PTPRN2: variants seen among roughly 807,000 people sequenced by gnomAD.
PTPRN2 encodes the protein protein tyrosine phosphatase receptor type N2.
In PTPRN2, 74 loss-of-function variants were observed where a neutral mutation model predicts 118.8. The observed-to-expected ratio is 0.62, with a 90% CI of 0.52 to 0.76. PTPRN2 has a LOEUF of 0.76. PTPRN2 is among the 30% of genes least tolerant of loss of function. PTPRN2 has a pLI of 0.00. For missense variants in PTPRN2, 1,481 were observed against 1,394.4 expected (o/e 1.06, Z -0.99); for synonymous variants, 641 against 608.0 (o/e 1.05, Z -0.80).
In PTPRN2 at chr7:158,499,472, G is replaced by A. The variant is rs149554043; in HGVS notation, c.113-9687C>T. Among the ~76,000 whole-genome samples the A allele has an allele frequency of 4.7e-3, 723 of 152,218 alleles. 5 individuals carry two copies. The highest frequency in any genetic ancestry group is 8.1e-3 in the Non-Finnish European group (553 of 68,018). On this transcript the variant is annotated intron_variant, in intron 1 of 22. Coordinates refer to ENST00000389418, the MANE Select transcript of PTPRN2 (RefSeq NM_002847.5). ...TCTGGATCCAAATTCTTCATCACCCGGATAACAAATGATTGGCCTTATACA... is the reference window on the plus strand; with the variant it reads ...TCTGGATCCAAATTCTTCATCACCCAGATAACAAATGATTGGCCTTATACA...
chr7:157,981,340 T>C (rs1803129019), intron 11 of PTPRN2, among the ~76,000 whole-genome samples: 1 of 148,876 alleles, frequency 6.7e-6, no homozygotes, highest in Admixed American at 6.6e-5. Context: ...ACTCCTGCTA[T>C]TCCAGGACAG....
chr7:157,698,736 T>C (rs1021481823), intron 12 of PTPRN2, among the ~76,000 whole-genome samples: 17 of 152,352 alleles, frequency 1.1e-4, no homozygotes, highest in African/African-American at 3.8e-4. Context: ...AGAGGATCTA[T>C]TACTTTTAAT....
At chr7:157,552,672 T>G (rs901092885) in intron 21 of PTPRN2, among the ~76,000 whole-genome samples, 2 of 152,236 alleles carry the variant, frequency 1.3e-5, no homozygotes, top group African/African-American at 4.8e-5. Flanking sequence ...TCTATTGGCT[T>G]TTAAGAAATT....
intron 2 of PTPRN2, among the ~76,000 whole-genome samples, chr7:158,440,452 A>AGTG: frequency 1.3e-5 from 2 of 148,534 alleles, no homozygotes; most frequent in African/African-American, 5.0e-5. Flanking sequence ...TGATGGTGGT[A>AGTG]ATGGTAGTAG....
intron 2 of PTPRN2, among the ~76,000 whole-genome samples, chr7:158,480,356 C>T (rs1032816810): frequency 2.0e-5 from 3 of 152,186 alleles, no homozygotes; most frequent in Admixed American, 6.5e-5. Flanking sequence ...CTGATCAATG[C>T]TGTGTGTGTT....
At chr7:158,370,580 G>A (rs1003853020) in intron 2 of PTPRN2, among the ~76,000 whole-genome samples, 6 of 152,044 alleles carry the variant, frequency 3.9e-5, no homozygotes, top group Non-Finnish European at 7.4e-5. Context: ...GTGAAACCCC[G>A]TCTCTACTAA....
chr7:157,646,975 T>TCCAGCGTGCACTGAACTCGGTGGG (rs1805137647), intron 14 of PTPRN2, among the ~76,000 whole-genome samples: 1 of 146,714 alleles, frequency 6.8e-6, no homozygotes, highest in Admixed American at 6.8e-5. Context: ...GTTGGACCCA[T>TCCAGCGTGCACTGAACTCGGTGGG]TCACTGTGCA....
intron 3 of PTPRN2, among the ~76,000 whole-genome samples, chr7:158,209,783 C>A (rs1314736699): frequency 6.6e-6 from 1 of 152,088 alleles, no homozygotes; most frequent in African/African-American, 2.4e-5. Flanking sequence ...CAAGAATAGC[C>A]CATACATTAT....
intron 12 of PTPRN2, among the ~76,000 whole-genome samples, chr7:157,686,391 CTT>C (rs953063195): frequency 6.6e-6 from 1 of 152,190 alleles, no homozygotes; most frequent in African/African-American, 2.4e-5. Context: ...GTTCCAATAA[CTT>C]TACAATGACT....
intron 6 of PTPRN2, among the ~76,000 whole-genome samples, chr7:158,166,691 G>A (rs1196289894): frequency 4.0e-5 from 6 of 151,834 alleles, no homozygotes; most frequent in African/African-American, 1.2e-4. Context: ...ATCACCTCCC[G>A]CCTCTCACTG....
chr7:158,147,637 A>ACTG (rs1820275886), intron 6 of PTPRN2, among the ~76,000 whole-genome samples: 1 of 100,360 alleles, frequency 1.0e-5, no homozygotes, highest in Admixed American at 1.3e-4. Flanking sequence ...TTTCCCCCTC[A>ACTG]ATGACACCCC....
intron 11 of PTPRN2, among the ~76,000 whole-genome samples, chr7:158,065,317 G>A (rs1005603772): frequency 6.6e-6 from 1 of 152,188 alleles, no homozygotes; most frequent in Admixed American, 6.5e-5. Flanking sequence ...TTCTTACCTC[G>A]CACCCTTCAT....
chr7:158,165,002 C>T (rs931046424), intron 6 of PTPRN2, among the ~76,000 whole-genome samples: 4 of 49,782 alleles, frequency 8.0e-5, no homozygotes, highest in Admixed American at 3.0e-4. Context: ...CCAGGACCTA[C>T]GAGAGTGCAG....
In PTPRN2 at chr7:158,556,844, G is replaced by A. The variant is rs182930255; in HGVS notation, c.112+30714C>T. On this transcript the variant is annotated intron_variant, in intron 1 of 22. Transcript: ENST00000389418. ...CCCACGCAGGTCAGGCAGCTCCCGC[G>A]CAGGTCAGACAGCTCCCGGGCAGGT... 4.9e-3 allele frequency among the ~76,000 whole-genome samples: 712 copies of A among 146,204 alleles called. 22 individuals carry two copies. Among genetic ancestry groups the A allele is most frequent in the East Asian group, 0.044 (208 of 4,744 alleles).
In PTPRN2 at chr7:158,529,911, A is replaced by G. The variant is rs1464222236; in HGVS notation, c.113-40126T>C. Among the ~76,000 whole-genome samples, 2 of 152,006 alleles carry G rather than the reference A, an allele frequency of 1.3e-5. No homozygotes were observed. The highest frequency in any genetic ancestry group is 2.9e-5 in the Non-Finnish European group (2 of 67,970). On this transcript the variant is annotated intron_variant, in intron 1 of 22. Transcript: ENST00000389418. This position sits in a 1 kb window ranked among gnomAD's most constrained non-coding sequence, Gnocchi z 4.7. ...CACACACGTGCCACACACAGCACAC[A>G]TATGCACGCTACCACACACATGCAC...
At chr7:157,803,803 G>A (rs953708273) in intron 12 of PTPRN2, among the ~76,000 whole-genome samples, 12 of 152,170 alleles carry the variant, frequency 7.9e-5, no homozygotes, top group Non-Finnish European at 1.5e-4. Context: ...GTAGTGTATT[G>A]TTTTAATAAC....
chr7:157,803,596 G>A (rs1433567729), intron 12 of PTPRN2, among the ~76,000 whole-genome samples: 1 of 152,178 alleles, frequency 6.6e-6, no homozygotes, highest in African/African-American at 2.4e-5. Flanking sequence ...AGCCCATGTT[G>A]AGTGGGTTTT....
At position 157,576,732 on chromosome 7, in the gene PTPRN2, C is replaced by T. The variant is rs748297286; in HGVS notation, c.2664G>A (p.Arg888=). ...TCTGCAGGTTCTTCAGATAGAAGCT[C>T]CTCACCAGGAAGTCCTCACACCAGA... ...EHIWCEDFLV[R]SFYLKNLQTN... The change falls in exon 19 of 23, where the codon AGG becomes AGA. Residue 888 remains arginine, a synonymous_variant. Transcript: ENST00000389418. 17 of 1,609,292 alleles carry T rather than the reference C, an allele frequency of 1.1e-5. No individual in the cohort carries two copies. The highest frequency in any genetic ancestry group is 1.4e-5 in the Non-Finnish European group (17 of 1,177,696).
intron 2 of PTPRN2, among the ~76,000 whole-genome samples, chr7:158,389,603 C>T (rs1433451400): frequency 6.6e-6 from 1 of 152,210 alleles, no homozygotes; most frequent in Non-Finnish European, 1.5e-5. Flanking sequence ...AAGATCAATA[C>T]ACAAGAAAGG....
Sources: allele counts gnomAD v4.1 joint callset (sites outside exome capture counted in the v4.1 genomes callset), GRCh38; gene constraint gnomAD v4.1.1; non-coding constraint Gnocchi (gnomAD v3.1); transcripts MANE v1.5; gene names NCBI Gene and HGNC (gene_info 2026-07-23, HGNC 2026-07-21).